Variants in CA12 observed in about 807,000 individuals in gnomAD.
CA12 encodes the protein carbonate dehydratase XII.
Under a neutral mutation model 46.8 loss-of-function variants are expected in CA12, and 36 were observed. The observed-to-expected ratio is 0.77, with a 90% CI of 0.59 to 1.02. CA12 has a LOEUF of 1.02. CA12 is among the 50% of genes least tolerant of loss of function. The probability of loss-of-function intolerance (pLI) is 0.00; values close to 1 mark genes in which losing one functional copy is unlikely to be tolerated. For missense variants in CA12, 436 were observed against 451.4 expected (o/e 0.97, Z 0.31); for synonymous variants, 202 against 187.0 (o/e 1.08, Z -0.65).
chr15:63,337,575 G>C (rs1410376469), intron 8 of CA12, among the ~76,000 whole-genome samples: 1 of 152,126 alleles, frequency 6.6e-6, no homozygotes, highest in Non-Finnish European at 1.5e-5. Context: ...TCCTGCCTCA[G>C]CCTCTTGAGT....
In CA12 at chr15:63,322,439, A is replaced by G. The variant is rs1411162867; in HGVS notation, c.*3846T>C. 1 of 152,054 alleles carries G rather than the reference A, an allele frequency of 6.6e-6. No homozygotes were observed. Among genetic ancestry groups the G allele is most frequent in the African/African-American group, 2.4e-5 (1 of 41,380 alleles). 9.4% of individuals were successfully genotyped at this position (152,054 alleles called of 1,614,324 possible). On this transcript the variant is annotated 3_prime_UTR_variant, in exon 11 of 11. Coordinates refer to ENST00000178638, the MANE Select transcript of CA12 (RefSeq NM_001218.5). The surrounding 1 kb of genome is among the most constrained non-coding windows in gnomAD (Gnocchi z 4.1). Reference sequence around the variant, plus strand: ...ACCTTTTTCTAGTGTGGCTACCGGAAAGTTTAAATTTCATACGTGTCTCAT... The same window carrying G: ...ACCTTTTTCTAGTGTGGCTACCGGAGAGTTTAAATTTCATACGTGTCTCAT...
intron 2 of CA12, among the ~76,000 whole-genome samples, chr15:63,366,138 C>CAAAAAAAA (rs10680238): frequency 8.6e-6 from 1 of 116,916 alleles, no homozygotes. Flanking sequence ...GAGACTATCT[C>CAAAAAAAA]AAAAAAAAAA....
rs918363828 is a variant in CA12 at position 63,341,540 on chromosome 15, A to G, written c.525+462T>C. ...CCAAAACCATCTCCCTCCCTGGTCCATGGTCCGTGGAAAAATTGTCTTCTA... is the reference window on the plus strand; with the variant it reads ...CCAAAACCATCTCCCTCCCTGGTCCGTGGTCCGTGGAAAAATTGTCTTCTA... On this transcript the variant is annotated intron_variant, in intron 5 of 10. Transcript: ENST00000178638. This position sits in a 1 kb window ranked among gnomAD's most constrained non-coding sequence, Gnocchi z 5.2. Among the ~76,000 whole-genome samples, 3 of 152,190 alleles carry G rather than the reference A, an allele frequency of 2.0e-5. No homozygotes were observed. The highest frequency in any genetic ancestry group is 7.2e-5 in the African/African-American group (3 of 41,452).
intron 4 of CA12, 112 bp from the exon 5 acceptor site, chr15:63,342,209 C>T (rs2039087933): frequency 5.5e-6 from 4 of 732,912 alleles, no homozygotes; most frequent in Non-Finnish European, 9.9e-6. Context: ...CCCCTCAGCC[C>T]CCCAGACTAG....
rs1431838179 is a variant in CA12, at chr15:63,355,598, C to G, written c.107-8889G>C. Among the ~76,000 whole-genome samples the G allele has an allele frequency of 6.6e-6, 1 of 152,216 alleles. No individual in the cohort carries two copies. Among genetic ancestry groups the G allele is most frequent in the Non-Finnish European group, 1.5e-5 (1 of 68,052 alleles). ...AGCTCGCTTTCTGCATGCGTGTACA[C>G]CTGGCTCCTGCTGCAGAGCCTGGCA... On this transcript the variant is annotated intron_variant, in intron 2 of 10. Coordinates refer to ENST00000178638, the MANE Select transcript of CA12 (RefSeq NM_001218.5). The surrounding 1 kb of genome is among the most constrained non-coding windows in gnomAD (Gnocchi z 4.1).
At position 63,328,238 on chromosome 15, in the gene CA12, AC is replaced by A. The variant is rs529640975; in HGVS notation, c.875-109del. On this transcript the variant is annotated intron_variant, in intron 8 of 10. Transcript: ENST00000178638. The surrounding 1 kb of genome is among the most constrained non-coding windows in gnomAD (Gnocchi z 5.9). ...CATTTGTTTGGTCTTAGGCTGACAG[AC>A]CTCTAGGGATGTCCACCCTTGGCTC... 33 of 976,710 alleles carry A rather than the reference AC, an allele frequency of 3.4e-5. No individual in the cohort carries two copies. Among genetic ancestry groups the A allele is most frequent in the Non-Finnish European group, 5.2e-5 (32 of 614,780 alleles). 60.5% of individuals were successfully genotyped at this position (976,710 alleles called of 1,614,324 possible).
In CA12 at chr15:63,343,406, C is replaced by T. The variant is rs112704489; in HGVS notation, c.430-1309G>A. Reference sequence around the variant, plus strand: ...AAGCGATTCCCCTGCCTCAGCCTCCCGAGTAGCTAGGATTACAGGCATGTG... The same window carrying T: ...AAGCGATTCCCCTGCCTCAGCCTCCTGAGTAGCTAGGATTACAGGCATGTG... On this transcript the variant is annotated intron_variant, in intron 4 of 10. Coordinates refer to ENST00000178638, the MANE Select transcript of CA12 (RefSeq NM_001218.5). Among the ~76,000 whole-genome samples, 462 of 151,586 alleles carry T rather than the reference C, an allele frequency of 3.0e-3. 2 individuals carry two copies. The highest frequency in any genetic ancestry group is 8.1e-3 in the African/African-American group (336 of 41,282).
chr15:63,363,893 G>A (rs2039398327), intron 2 of CA12, among the ~76,000 whole-genome samples: 1 of 152,314 alleles, frequency 6.6e-6, no homozygotes, highest in East Asian at 1.9e-4. Flanking sequence ...GGCTTATCAA[G>A]AGTGGGAGAC....
intron 2 of CA12, among the ~76,000 whole-genome samples, chr15:63,347,125 T>A (rs35580861): frequency 0.042 from 6,428 of 152,366 alleles, 186 homozygotes; most frequent in Middle Eastern, 0.065. Flanking sequence ...CAAGCTGGCA[T>A]TCTAGCGGGG....
rs1595770725 is a variant in CA12, at chr15:63,323,048, T to C, written c.*3237A>G. On this transcript the variant is annotated 3_prime_UTR_variant, in exon 11 of 11. Transcript: ENST00000178638. This position sits in a 1 kb window ranked among gnomAD's most constrained non-coding sequence, Gnocchi z 5.1. ...AGTCTGGATTTAGACAAAAGATTAT[T>C]TGGACGGGTGATAGTATGTTTTGCA... is the stretch of plus-strand genomic sequence containing the variant. The C allele has an allele frequency of 6.6e-6, 1 of 152,338 alleles. No homozygotes were observed. Among genetic ancestry groups the C allele is most frequent in the East Asian group, 1.9e-4 (1 of 5,188 alleles). 9.4% of individuals were successfully genotyped at this position (152,338 alleles called of 1,614,324 possible). A position where few individuals can be genotyped will look rare whatever the true frequency, so the allele number is the denominator to read the frequency against.
At chr15:63,371,713 G>C (rs1478833974) in intron 2 of CA12, among the ~76,000 whole-genome samples, 2 of 152,214 alleles carry the variant, frequency 1.3e-5, no homozygotes, top group Non-Finnish European at 2.9e-5. Flanking sequence ...GAAGCAGCAA[G>C]CCAATATCTG....
rs764056984 is a variant in CA12, at chr15:63,326,288, A to G, written c.1062T>C (p.Ala354=). The G allele has an allele frequency of 1.2e-5, 20 of 1,613,726 alleles. No individual in the cohort carries two copies. Among genetic ancestry groups the G allele is most frequent in the East Asian group, 6.7e-5 (3 of 44,888 alleles). Residue 354 remains alanine (A), a synonymous_variant, in exon 11 of 11, where the codon GCT becomes GCC. Transcript: ENST00000178638. ...PATKMETEAH[A] ...GTGCCCGGGAGCTCCGGGGACCTCA[A>G]GCGTGGGCCTCAGTCTCCATCTTGG...
intron 2 of CA12, among the ~76,000 whole-genome samples, chr15:63,350,230 G>A (rs565216231): frequency 1.6e-4 from 25 of 152,252 alleles, no homozygotes; most frequent in Admixed American, 8.5e-4. Flanking sequence ...GGTGGGCACC[G>A]GGACAACCAA....
chr15:63,364,338 A>AAAAAAAAAAAAAAAC (rs2039409591), intron 2 of CA12, among the ~76,000 whole-genome samples: 1 of 142,596 alleles, frequency 7.0e-6, no homozygotes, highest in Non-Finnish European at 1.6e-5. Flanking sequence ...ACTAGAAAAA[A>AAAAAAAAAAAAAAAC]AAAAAAAAAA....
intron 2 of CA12, among the ~76,000 whole-genome samples, chr15:63,354,554 T>C (rs2039271980): frequency 6.6e-6 from 1 of 152,038 alleles, no homozygotes. Flanking sequence ...CAAGACCCCA[T>C]CTCTAAACAA....
At chr15:63,362,148 T>C (rs2039371573) in intron 2 of CA12, among the ~76,000 whole-genome samples, 1 of 152,184 alleles carries the variant, frequency 6.6e-6, no homozygotes, top group African/African-American at 2.4e-5. Context: ...CAAATGAATG[T>C]AGCTGTGTTC....
Position 63,326,221 on chromosome 15 carries a change from G to T in CA12, c.*64C>A. The stretch of plus-strand genomic sequence containing the variant: ...CCTTGAGGTGTCGCAAGTGTCCAGA[G>T]AGCCGAAGTGTGTAGGGTCCAAAGC... On this transcript the variant is annotated 3_prime_UTR_variant, in exon 11 of 11. Transcript: ENST00000178638. The T allele has an allele frequency of 1.6e-6, 2 of 1,230,664 alleles. No individual in the cohort carries two copies. Among genetic ancestry groups the T allele is most frequent in the Non-Finnish European group, 1.2e-6 (1 of 831,000 alleles). 76.2% of individuals were successfully genotyped at this position (1,230,664 alleles called of 1,614,324 possible). A position where few individuals can be genotyped will look rare whatever the true frequency, so the allele number is the denominator to read the frequency against.
chr15:63,338,478 A>G (rs1315077319), intron 8 of CA12, among the ~76,000 whole-genome samples: 1 of 152,218 alleles, frequency 6.6e-6, no homozygotes, highest in Non-Finnish European at 1.5e-5. Context: ...TCTCATGGAA[A>G]GGGTCCTATC....
At position 63,373,465 on chromosome 15, in the gene CA12, G is replaced by A. The variant is rs184299023; in HGVS notation, c.106+2193C>T. ...CTGTAACAGAGAGATAGGGATAGAG[G>A]ACCCCGTAGAGATGTGATCTGTGTT... On this transcript the variant is annotated intron_variant, in intron 2 of 10. Coordinates refer to ENST00000178638, the MANE Select transcript of CA12 (RefSeq NM_001218.5). The surrounding 1 kb of genome is among the most constrained non-coding windows in gnomAD (Gnocchi z 4.9). Among the ~76,000 whole-genome samples, 4 of 152,264 alleles carry A rather than the reference G, an allele frequency of 2.6e-5. No homozygotes were observed. The East Asian group carries it at 7.7e-4, about 29-fold the overall frequency.
Sources: gnomAD v4.1 joint callset for allele counts (sites outside exome capture counted in the v4.1 genomes callset) on GRCh38, gnomAD v4.1.1 for gene constraint, Gnocchi (gnomAD v3.1) non-coding constraint, MANE v1.5 for transcripts, NCBI Gene and HGNC (gene_info 2026-07-23, HGNC 2026-07-21) for gene names.